CDC14B: variants seen among roughly 807,000 people sequenced by gnomAD.
The protein encoded by CDC14B is cell division cycle 14B.
Under a neutral mutation model 64.2 loss-of-function variants are expected in CDC14B, and 22 were observed. The observed-to-expected ratio is 0.34, with a 90% confidence interval of 0.24 to 0.49. The LOEUF (loss-of-function observed/expected upper bound fraction) is 0.49, where lower values mean the gene tolerates loss of function less well. Ranked by LOEUF, CDC14B falls within the 20% of genes least tolerant of loss-of-function variation. The probability of loss-of-function intolerance (pLI) is 0.99; values close to 1 mark genes in which losing one functional copy is unlikely to be tolerated. For synonymous variants in CDC14B, 191 were observed against 215.8 expected, an observed-to-expected ratio of 0.89 and a Z score of 1.01; for missense variants, 498 against 629.9, an observed-to-expected ratio of 0.79 and a Z score of 2.24.
At chr9:96,495,885 G>A (rs950005775), downstream of CDC14B, among the ~76,000 whole-genome samples, 1 of 152,152 alleles carries the variant, frequency 6.6e-6, no homozygotes, top group South Asian at 2.1e-4. Flanking sequence ...CTTCCACACG[G>A]CATCTGTACA....
intron 1 of CDC14B, among the ~76,000 whole-genome samples, chr9:96,582,880 T>C (rs1202642377): frequency 6.6e-6 from 1 of 152,208 alleles, no homozygotes; most frequent in Non-Finnish European, 1.5e-5. Context: ...TTACTAATTT[T>C]ATATAATGGG....
downstream of CDC14B, chr9:96,496,320 C>G: frequency 1.9e-6 from 1 of 516,638 alleles, no homozygotes; most frequent in African/African-American, 1.9e-5. Flanking sequence ...AGATCAGAAG[C>G]CGGTCTAGAA....
At position 96,557,590 on chromosome 9, in the gene CDC14B, T is replaced by C. The variant is rs145801092; in HGVS notation, c.420+5103A>G. ...AAATAACAAAGTCCCTGAGCTCTTA[T>C]CATAACTGTAGAGGCAATCTCAAAT... On this transcript the variant is annotated intron_variant, in intron 4 of 13. Transcript: ENST00000375241. Among the ~76,000 whole-genome samples the C allele has an allele frequency of 5.7e-3, 861 of 152,326 alleles. 8 individuals carry two copies. Among genetic ancestry groups the C allele is most frequent in the African/African-American group, 0.02 (831 of 41,564 alleles).
At chr9:96,538,489 G>A (rs1156897494) in intron 7 of CDC14B, 1 of 152,394 alleles carries the variant, frequency 6.6e-6, no homozygotes, top group African/African-American at 2.4e-5. Flanking sequence ...GGAGGCCAAG[G>A]TGGGAGAAGT....
chr9:96,551,156 A>G (rs1235519006), intron 5 of CDC14B, among the ~76,000 whole-genome samples: 4 of 121,270 alleles, frequency 3.3e-5, no homozygotes, highest in Non-Finnish European at 6.4e-5. Context: ...TCTATTGCCC[A>G]GGCTTGAGTG....
chr9:96,533,409 TC>T (rs1838794934), intron 9 of CDC14B, among the ~76,000 whole-genome samples: 1 of 152,230 alleles, frequency 6.6e-6, no homozygotes, highest in South Asian at 2.1e-4. Context: ...GAGATCAGTC[TC>T]CCCCTTTCCC....
intron 13 of CDC14B, among the ~76,000 whole-genome samples, chr9:96,505,405 A>G (rs1479119686): frequency 6.6e-6 from 1 of 152,198 alleles, no homozygotes; most frequent in African/African-American, 2.4e-5. Flanking sequence ...ATTTTAAAAA[A>G]AGAAGAGCCT....
intron 1 of CDC14B, among the ~76,000 whole-genome samples, chr9:96,573,048 C>A (rs1844570325): frequency 1.3e-5 from 2 of 152,208 alleles, no homozygotes. Context: ...GTGGCTTATG[C>A]CTGTAATCCC....
Position 96,509,669 on chromosome 9 carries a change from TCAC to T in CDC14B, c.1460+1_1460+3del, listed in dbSNP as rs1449821817. On this transcript the variant is annotated splice_donor_variant and splice_donor_region_variant and intron_variant, in intron 13 of 13. Coordinates refer to ENST00000375241, the MANE Select transcript of CDC14B (RefSeq NM_033331.4). LOFTEE classifies it high-confidence loss of function. ...TTTTCAGAAGAGTAGGATTCTTTTCTCACCTTTTAACACTGCTTTTCCTTGAAG... is the reference window on the plus strand; with the variant it reads ...TTTTCAGAAGAGTAGGATTCTTTTCTCTTTTAACACTGCTTTTCCTTGAAG... The T allele has an allele frequency of 6.4e-7, 1 of 1,557,300 alleles. No individual in the cohort carries two copies. Among genetic ancestry groups the T allele is most frequent in the African/African-American group, 1.4e-5 (1 of 73,944 alleles).
chr9:96,564,634 A>G, intron 3 of CDC14B, 143 bp downstream of exon 3: 1 of 526,474 alleles, frequency 1.9e-6, no homozygotes, highest in African/African-American at 2.0e-5. Flanking sequence ...TGATCTTATA[A>G]AACAAGAAAA....
intron 1 of CDC14B, among the ~76,000 whole-genome samples, chr9:96,588,276 A>G (rs1362383882): frequency 6.6e-6 from 1 of 152,156 alleles, no homozygotes; most frequent in Non-Finnish European, 1.5e-5. Flanking sequence ...GGCTTTTACA[A>G]CAACACATTT....
At chr9:96,559,765 G>C (rs190469222) in intron 4 of CDC14B, among the ~76,000 whole-genome samples, 3 of 152,194 alleles carry the variant, frequency 2.0e-5, no homozygotes, top group Admixed American at 6.5e-5. Flanking sequence ...TAATAAATGC[G>C]AGTGAAGATC....
At chr9:96,530,783 T>C (rs1264853359) in intron 9 of CDC14B, among the ~76,000 whole-genome samples, 1 of 152,108 alleles carries the variant, frequency 6.6e-6, no homozygotes, top group Non-Finnish European at 1.5e-5. Flanking sequence ...CACCATTGAG[T>C]ATGATGTTAG....
chr9:96,601,445 C>A (rs888519215), intron 1 of CDC14B, among the ~76,000 whole-genome samples: 9 of 150,410 alleles, frequency 6.0e-5, no homozygotes, highest in African/African-American at 1.7e-4. Flanking sequence ...TGCAGTGAGC[C>A]AAGATTGCAC....
chr9:96,544,087 C>G (rs1037344468), intron 5 of CDC14B, among the ~76,000 whole-genome samples: 2 of 151,840 alleles, frequency 1.3e-5, no homozygotes, highest in African/African-American at 4.8e-5. Flanking sequence ...CATGGTGGCG[C>G]GCACCTGTAG....
chr9:96,605,816 A>G (rs7872822), intron 1 of CDC14B, among the ~76,000 whole-genome samples: 22,624 of 151,682 alleles, frequency 0.15, 5,643 homozygotes, highest in African/African-American at 0.52. Context: ...AGCCAAGATT[A>G]AGCCACTGCA....
At chr9:96,602,973 A>C (rs1846603467) in intron 1 of CDC14B, among the ~76,000 whole-genome samples, 1 of 152,098 alleles carries the variant, frequency 6.6e-6, no homozygotes, top group Non-Finnish European at 1.5e-5. Flanking sequence ...CGACTTAGAG[A>C]AGCTTGAAAC....
chr9:96,540,398 C>G (rs1839879923), intron 6 of CDC14B, among the ~76,000 whole-genome samples: 1 of 151,946 alleles, frequency 6.6e-6, no homozygotes, highest in East Asian at 1.9e-4. Context: ...TTTGGGAGGC[C>G]AAGGTGAGTG....
chr9:96,583,726 TA>T (rs1393882289), intron 1 of CDC14B, among the ~76,000 whole-genome samples: 19 of 151,056 alleles, frequency 1.3e-4, no homozygotes, highest in Non-Finnish European at 2.2e-4. Flanking sequence ...TTTTTATTTT[TA>T]TTTTTTTTTG....
Sources: gnomAD v4.1 joint callset for allele counts (sites outside exome capture counted in the v4.1 genomes callset) on GRCh38, gnomAD v4.1.1 for gene constraint, MANE v1.5 for transcripts, NCBI Gene and HGNC (gene_info 2026-07-23, HGNC 2026-07-21) for gene names.